Variants in GGN observed in about 807,000 individuals in gnomAD.
GGN encodes the protein gametogenetin.
In GGN, 27 loss-of-function variants were observed where a neutral mutation model predicts 35.5. The ratio of observed to expected loss-of-function variants is 0.76; its 90% CI spans 0.56 to 1.05. The LOEUF is 1.05. Ranked by LOEUF, GGN falls within the 50% of genes least tolerant of loss-of-function variation. GGN has a pLI of 0.00. For missense variants in GGN, 1,006 were observed against 940.7 expected (o/e 1.07, Z -0.91); for synonymous variants, 425 against 444.1 (o/e 0.96, Z 0.54).
At position 38,386,860 on chromosome 19, in the gene GGN, G is replaced by C. The variant is rs1217748917; in HGVS notation, c.402C>G (p.Gly134=). 2 of 1,592,540 alleles carry C rather than the reference G, an allele frequency of 1.3e-6. No homozygotes were observed. Among genetic ancestry groups the C allele is most frequent in the East Asian group, 4.5e-5 (2 of 43,992 alleles). Residue 134 remains glycine (G), a synonymous_variant, in exon 3 of 4, where the codon GGC becomes GGG. Coordinates refer to ENST00000334928, the MANE Select transcript of GGN (RefSeq NM_152657.4). The stretch of plus-strand genomic sequence containing the variant: ...TCAGCGGGCGGAGGCTCGGAGGGTC[G>C]CCCTGGCCGCGATGGCTCGCCTCCA... The part of the protein sequence containing the change: ...RLLEASHRGQ[G]DPPSLRPLKP...
Position 38,386,092 on chromosome 19 carries a change from AG to A in GGN, c.1169del (p.Pro390LeufsTer99). 1 of 1,583,420 alleles carries A rather than the reference AG, an allele frequency of 6.3e-7. No homozygotes were observed. ...AGTGTATCTGCTCTGGTGGTGGCGGAGGGGAGCCCCAAGGCCCAGAGAGTGC... is the reference window on the plus strand; with the variant it reads ...AGTGTATCTGCTCTGGTGGTGGCGGAGGGAGCCCCAAGGCCCAGAGAGTGC... ...AAALSGPWGSPPPPPEQIHSA... is the reference protein window; with the variant it reads ...AAALSGPWGSXPPPPEQIHSA... On this transcript the variant is annotated frameshift_variant, in exon 3 of 4. Coordinates refer to ENST00000334928, the MANE Select transcript of GGN (RefSeq NM_152657.4). LOFTEE classifies it high-confidence loss of function.
Position 38,385,733 on chromosome 19 carries a change from G to A in GGN, c.1529C>T (p.Pro510Leu), listed in dbSNP as rs772836693. ...PAPTVAEPSP[P>L]VSAPAPAAAP... is the part of the protein sequence containing the mutation. ...AGCCGCGGGTGCGGGCGCGGACACA[G>A]GCGGCGAGGGCTCAGCCACGGTGGG... Residue 510 changes from proline (P) to leucine (L), a missense_variant, in exon 3 of 4, where the codon CCT becomes CTT. By Grantham distance (98) the Pro-to-Leu change is moderately conservative. Coordinates refer to ENST00000334928, the MANE Select transcript of GGN (RefSeq NM_152657.4). 6 of 1,605,978 alleles carry A rather than the reference G, an allele frequency of 3.7e-6. No individual in the cohort carries two copies. Among genetic ancestry groups the A allele is most frequent in the Non-Finnish European group, 4.2e-6 (5 of 1,177,286 alleles).
At position 38,385,904 on chromosome 19, in the gene GGN, G is replaced by A; in HGVS notation, c.1358C>T (p.Ala453Val). 1 of 1,562,784 alleles carries A rather than the reference G, an allele frequency of 6.4e-7. No homozygotes were observed. Among genetic ancestry groups the A allele is most frequent in the Non-Finnish European group, 8.6e-7 (1 of 1,156,094 alleles). Reference protein sequence around the residue: ...PTPPPTLQPPALQPTPLPVAP... With the variant: ...PTPPPTLQPPVLQPTPLPVAP... Reference sequence around the variant, plus strand: ...CACCGGCAGCGGCGTTGGCTGGAGCGCTGGTGGCTGCAGTGTGGGCGGCGG... The same window carrying A: ...CACCGGCAGCGGCGTTGGCTGGAGCACTGGTGGCTGCAGTGTGGGCGGCGG... Residue 453 changes from alanine to valine, a missense_variant, in exon 3 of 4, where the codon GCG becomes GTG. Ala to Val is a moderately conservative substitution (Grantham distance 64). Transcript: ENST00000334928.
Position 38,385,765 on chromosome 19 carries a change from A to AGCCGGGTATGGGGCCGGGGCCGGG in GGN, c.1496_1497insCCCGGCCCCGGCCCCATACCCGGC (p.Pro502_Thr503insAlaProTyrProAlaProAlaPro). On this transcript the variant is annotated inframe_insertion, in exon 3 of 4. Transcript: ENST00000334928. Reference sequence around the variant, plus strand: ...AGGGCTCAGCCACGGTGGGAGCTGGAGCCGGGGATGGGGCCGGGGCCTGGT... The same window carrying AGCCGGGTATGGGGCCGGGGCCGGG: ...AGGGCTCAGCCACGGTGGGAGCTGGAGCCGGGTATGGGGCCGGGGCCGGGGCCGGGGATGGGGCCGGGGCCTGGT... 1 of 1,575,738 alleles carries AGCCGGGTATGGGGCCGGGGCCGGG rather than the reference A, an allele frequency of 6.3e-7. No homozygotes were observed. The highest frequency in any genetic ancestry group is 8.6e-7 in the Non-Finnish European group (1 of 1,163,840).
chr19:38,386,236 GGT>G lies in GGN; in HGVS notation c.1024_1025del (p.Thr342HisfsTer13). On this transcript the variant is annotated frameshift_variant, in exon 3 of 4. Transcript: ENST00000334928. LOFTEE classifies it high-confidence loss of function. Reference protein sequence around the residue: ...QARALPPPPYTTFPGSKPKFD... With the variant: ...QARALPPPPYXTFPGSKPKFD... Reference sequence around the variant, plus strand: ...ATTTGGGCTTCGAGCCTGGGAAGGTGGTGTAGGGTGGCGGCGGTAGGGCCCGG... The same window carrying G: ...ATTTGGGCTTCGAGCCTGGGAAGGTGGTAGGGTGGCGGCGGTAGGGCCCGG... 6.2e-7 allele frequency: 1 copy of G among 1,609,432 alleles called. No individual in the cohort carries two copies. Among genetic ancestry groups the G allele is most frequent in the Non-Finnish European group, 8.5e-7 (1 of 1,179,266 alleles).
rs906897901 is a variant in GGN at position 38,385,651 on chromosome 19, C to T, written c.1611G>A (p.Ala537=). The T allele has an allele frequency of 2.5e-6, 4 of 1,613,828 alleles. No individual in the cohort carries two copies. Among genetic ancestry groups the T allele is most frequent in the African/African-American group, 2.7e-5 (2 of 74,940 alleles). The change falls in exon 3 of 4, where the codon GCG becomes GCA. Residue 537 remains alanine (A), a synonymous_variant. Transcript: ENST00000334928. ...RNKGSRAARG[A]TRKDGLHGDG... ...CTCCATGCAAGCCATCCTTACGGGTCGCGCCCCGGGCTGCACGGGAACCCT... is the reference window on the plus strand; with the variant it reads ...CTCCATGCAAGCCATCCTTACGGGTTGCGCCCCGGGCTGCACGGGAACCCT...
In GGN at chr19:38,386,161, G is replaced by C; in HGVS notation, c.1101C>G (p.Asn367Lys). 1 of 1,592,132 alleles carries C rather than the reference G, an allele frequency of 6.3e-7. No individual in the cohort carries two copies. Among genetic ancestry groups the C allele is most frequent in the South Asian group, 1.1e-5 (1 of 89,482 alleles). Residue 367 changes from asparagine to lysine, a missense_variant, in exon 3 of 4, where the codon AAC becomes AAG. Transcript: ENST00000334928. ...PDGPERHFRFNGAGGGIGAPR... is the reference protein window; with the variant it reads ...PDGPERHFRFKGAGGGIGAPR... ...GCGCCCCGATGCCTCCGCCAGCCCCGTTGAAGCGGAAGTGGCGTTCAGGGC... is the reference window on the plus strand; with the variant it reads ...GCGCCCCGATGCCTCCGCCAGCCCCCTTGAAGCGGAAGTGGCGTTCAGGGC...
rs369450243 is a variant in GGN at position 38,384,351 on chromosome 19, A to T, written c.*61T>A. On this transcript the variant is annotated 3_prime_UTR_variant, in exon 4 of 4. Coordinates refer to ENST00000334928, the MANE Select transcript of GGN (RefSeq NM_152657.4). Reference sequence around the variant, plus strand: ...GGCGAGTGATTGACAGGCTGCTGGCATCTGGATTGGTTATTTTATTGGCAT... The same window carrying T: ...GGCGAGTGATTGACAGGCTGCTGGCTTCTGGATTGGTTATTTTATTGGCAT... The T allele has an allele frequency of 6.2e-5, 76 of 1,234,382 alleles. No individual in the cohort carries two copies. The African/African-American group carries it at 1.0e-3, about 16-fold the overall frequency. 76.5% of individuals were successfully genotyped at this position (1,234,382 alleles called of 1,614,324 possible). A position where few individuals can be genotyped will look rare whatever the true frequency, so the allele number is the denominator to read the frequency against.
At position 38,384,358 on chromosome 19, in the gene GGN, T is replaced by C; in HGVS notation, c.*54A>G. 4 of 1,269,762 alleles carry C rather than the reference T, an allele frequency of 3.2e-6. No homozygotes were observed. In the Admixed American group the frequency reaches 6.8e-5, roughly 22 times the overall value. The allele number at this position is 1,269,762 out of a possible 1,614,324, so 78.7% of individuals were successfully genotyped here. ...GATTGACAGGCTGCTGGCATCTGGA[T>C]TGGTTATTTTATTGGCATGGAGGGG... On this transcript the variant is annotated 3_prime_UTR_variant, in exon 4 of 4. Coordinates refer to ENST00000334928, the MANE Select transcript of GGN (RefSeq NM_152657.4).
In GGN at chr19:38,385,845, C is replaced by A; in HGVS notation, c.1417G>T (p.Glu473Ter). 1 of 1,542,172 alleles carries A rather than the reference C, an allele frequency of 6.5e-7. No individual in the cohort carries two copies. Among genetic ancestry groups the A allele is most frequent in the East Asian group, 2.4e-5 (1 of 40,920 alleles). ...PPLTPGLGHK[E>*]SALAPTAAPA... Reference sequence around the variant, plus strand: ...GCTGCGGTGGGAGCCAGGGCTGACTCCTTGTGGCCCAGACCCGGGGTGAGC... The same window carrying A: ...GCTGCGGTGGGAGCCAGGGCTGACTACTTGTGGCCCAGACCCGGGGTGAGC... Residue 473 changes from glutamate (E) to a stop codon, truncating the protein, a stop_gained, in exon 3 of 4, where the codon GAG becomes TAG. Transcript: ENST00000334928. LOFTEE classifies it high-confidence loss of function.
In GGN at chr19:38,385,712, G is replaced by A. The variant is rs56854837; in HGVS notation, c.1550C>T (p.Ala517Val). The A allele has an allele frequency of 0.057, 92,470 of 1,610,928 alleles. 4,455 individuals carry two copies. The highest frequency in any genetic ancestry group is 0.25 in the East Asian group (11,276 of 44,816). Reference protein sequence around the residue: ...PSPPVSAPAPAAAPIKTRTRR... With the variant: ...PSPPVSAPAPVAAPIKTRTRR... The stretch of plus-strand genomic sequence containing the variant: ...CGTGCGGGTCTTGATGGGCGCAGCC[G>A]CGGGTGCGGGCGCGGACACAGGCGG... Residue 517 changes from alanine (A) to valine (V), a missense_variant, in exon 3 of 4, where the codon GCG becomes GTG. By Grantham distance (64) the Ala-to-Val change is moderately conservative (BLOSUM62 0). Coordinates refer to ENST00000334928, the MANE Select transcript of GGN (RefSeq NM_152657.4).
rs370891834 is a variant in GGN, at chr19:38,385,802, G to T, written c.1460C>A (p.Ala487Asp). ...GGCCGGGGCCTGGTCGGCGGCTAAG[G>T]CTGGGGGCAGAGCAGGGGCTGCGGT... ...APTAAPALPP[A>D]LAADQAPAPS... The change falls in exon 3 of 4, where the codon GCC becomes GAC. Residue 487 changes from alanine (A) to aspartate (D), a missense_variant. Physicochemically the swap from Ala to Asp is moderately radical, Grantham distance 126. Transcript: ENST00000334928. 161 of 1,543,916 alleles carry T rather than the reference G, an allele frequency of 1.0e-4. No individual in the cohort carries two copies. In the East Asian group the frequency reaches 3.6e-3, roughly 35 times the overall value.
rs1402196399 is a variant in GGN at position 38,384,495 on chromosome 19, G to T, written c.1876C>A (p.Pro626Thr). ...GACAGCTTGATGGTGGCAACCCAGG[G>T]TGGCTCGCCCAGGTGGTTGGTGGAT... Reference protein sequence around the residue: ...STSTNHLGEPPWVATIKLSGS... With the variant: ...STSTNHLGEPTWVATIKLSGS... Residue 626 changes from proline to threonine, a missense_variant, in exon 4 of 4, where the codon CCC becomes ACC. Physicochemically the swap from Pro to Thr is conservative, Grantham distance 38. Coordinates refer to ENST00000334928, the MANE Select transcript of GGN (RefSeq NM_152657.4). 2 of 1,614,110 alleles carry T rather than the reference G, an allele frequency of 1.2e-6. No individual in the cohort carries two copies. Among genetic ancestry groups the T allele is most frequent in the South Asian group, 1.1e-5 (1 of 91,090 alleles).
At position 38,387,310 on chromosome 19, in the gene GGN, T is replaced by G. The variant is rs960681997; in HGVS notation, c.-19-30A>C. On this transcript the variant is annotated intron_variant, in intron 2 of 3. Coordinates refer to ENST00000334928, the MANE Select transcript of GGN (RefSeq NM_152657.4). The surrounding 1 kb of genome is among the most constrained non-coding windows in gnomAD (Gnocchi z 5.3). The stretch of plus-strand genomic sequence containing the variant: ...TCAGAAAAATTTACTCCAGTCAGCC[T>G]GCCAGGGCCGTGGGGACCCTACGAG... 13 of 1,520,480 alleles carry G rather than the reference T, an allele frequency of 8.5e-6. No individual in the cohort carries two copies. Among genetic ancestry groups the G allele is most frequent in the African/African-American group, 6.9e-5 (5 of 72,646 alleles). 94.2% of individuals were successfully genotyped at this position (1,520,480 alleles called of 1,614,324 possible).
rs1157348766 is a variant in GGN at position 38,385,999 on chromosome 19, G to A, written c.1263C>T (p.Pro421=). 1.1e-5 allele frequency: 17 copies of A among 1,607,976 alleles called. No individual in the cohort carries two copies. In the African/African-American group the frequency reaches 1.2e-4, roughly 11 times the overall value. ...LAPPTFIFPA[P]TNGEPMRPGP... Reference sequence around the variant, plus strand: ...CCGGGCGCATGGGCTCGCCATTGGTGGGTGCTGGGAAGATGAACGTAGGCG... The same window carrying A: ...CCGGGCGCATGGGCTCGCCATTGGTAGGTGCTGGGAAGATGAACGTAGGCG... The change falls in exon 3 of 4, where the codon CCC becomes CCT. Residue 421 remains proline (P), a synonymous_variant. Coordinates refer to ENST00000334928, the MANE Select transcript of GGN (RefSeq NM_152657.4).
At chr19:38,385,055 C>A (rs1328703352) in intron 3 of GGN, among the ~76,000 whole-genome samples, 1 of 152,224 alleles carries the variant, frequency 6.6e-6, no homozygotes, top group African/African-American at 2.4e-5. Context: ...TCACCCCCAT[C>A]CCTGAGTGGC....
intron 3 of GGN, among the ~76,000 whole-genome samples, chr19:38,384,810 G>A (rs1054530054): frequency 6.6e-6 from 1 of 152,182 alleles, no homozygotes; most frequent in African/African-American, 2.4e-5. Context: ...GTGATTCAGT[G>A]TGGGTAGGGG....
At position 38,386,622 on chromosome 19, in the gene GGN, C is replaced by A; in HGVS notation, c.640G>T (p.Gly214Cys). 1.2e-6 allele frequency: 2 copies of A among 1,612,804 alleles called. No homozygotes were observed. The highest frequency in any genetic ancestry group is 8.5e-7 in the Non-Finnish European group (1 of 1,179,470). ...AGPRNQGQTA[G>C]RARGGAPPHA... ...GGAGGCGCCCCTCCGCGAGCCCTGC[C>A]GGCCGTCTGGCCCTGGTTGCGGGGC... Residue 214 changes from glycine (G) to cysteine (C), a missense_variant, in exon 3 of 4, where the codon GGC becomes TGC. Gly to Cys is a radical substitution (Grantham distance 159, BLOSUM62 -3). Transcript: ENST00000334928.
Position 38,387,118 on chromosome 19 carries a change from AC to A in GGN, c.143del (p.Gly48ValfsTer30). ...SQAMRLTRGL[G>X]VWFPGSATPP... ...GTGTGGCGCTGCCAGGGAACCAGAC[AC>A]CCAGCCCACGAGTCAGGCGCATGGC... On this transcript the variant is annotated frameshift_variant, in exon 3 of 4. Transcript: ENST00000334928. LOFTEE classifies it high-confidence loss of function. The surrounding 1 kb of genome is among the most constrained non-coding windows in gnomAD (Gnocchi z 5.3). 6.4e-7 allele frequency: 1 copy of A among 1,562,250 alleles called. No homozygotes were observed. The highest frequency in any genetic ancestry group is 8.7e-7 in the Non-Finnish European group (1 of 1,153,138).
Sources: allele counts gnomAD v4.1 joint callset (sites outside exome capture counted in the v4.1 genomes callset), GRCh38; gene constraint gnomAD v4.1.1; non-coding constraint Gnocchi (gnomAD v3.1); transcripts MANE v1.5; gene names NCBI Gene and HGNC (gene_info 2026-07-23, HGNC 2026-07-21).